The following DHX58 variants were observed in gnomAD, a reference collection of about 807,000 sequenced individuals.
DHX58 encodes DExH-box helicase 58, also known as ATP-dependent RNA helicase DHX58.
A neutral mutation model predicts 65.0 loss-of-function variants in DHX58; 51 were observed. That is an observed-to-expected ratio of 0.78 (90% CI 0.63 to 0.99). The LOEUF is 0.99. DHX58 is among the 50% of genes least tolerant of loss of function. The pLI is 0.00. For missense variants in DHX58, 773 were observed against 891.8 expected (o/e 0.87, Z 1.70); for synonymous variants, 350 against 365.0 (o/e 0.96, Z 0.47).
chr17:42,109,413 A>C, intron 5 of DHX58, 27 bp from the exon 6 acceptor site: 2 of 1,594,970 alleles, frequency 1.3e-6, no homozygotes, highest in Non-Finnish European at 1.7e-6. Context: ...ACTTTACTGG[A>C]AAGGGAGGGT....
rs782425657 is a variant in DHX58, at chr17:42,101,809, G to A, written c.1989C>T (p.Asp663=). Residue 663 remains aspartate, a synonymous_variant, in exon 14 of 14, where the codon GAC becomes GAT. Coordinates refer to ENST00000251642, the MANE Select transcript of DHX58 (RefSeq NM_024119.3). ...SRVPFSVPDF[D]FLQHCAENLS... ...AGTTCTCGGCACAATGCTGCAGGAA[G>A]TCAAAGTCAGGCACGGAGAAGGGCA... 4 of 1,614,256 alleles carry A rather than the reference G, an allele frequency of 2.5e-6. No individual in the cohort carries two copies. In the South Asian group the frequency reaches 4.4e-5, roughly 18 times the overall value.
At chr17:42,112,510 G>C (rs1238866851) in intron 1 of DHX58, 95 bp downstream of exon 1, 2 of 124,146 alleles carry the variant, frequency 1.6e-5, no homozygotes, top group African/African-American at 9.9e-5. Flanking sequence ...CCCCACTTGA[G>C]GGAGGTGGGG....
At chr17:42,108,631 G>A (rs1227924674) in intron 6 of DHX58, among the ~76,000 whole-genome samples, 7 of 152,228 alleles carry the variant, frequency 4.6e-5, no homozygotes, top group East Asian at 1.9e-4. Flanking sequence ...CCAGGAACCC[G>A]CTTGTGCCCA....
chr17:42,105,999 A>T lies in DHX58; in HGVS notation c.998-10T>A. On this transcript the variant is annotated splice_polypyrimidine_tract_variant and intron_variant, in intron 8 of 13. Transcript: ENST00000251642. ...AGCTCATTCTTGCGGTCTGTCAAAA[A>T]CCCCAAAATTTAGCTGGGTGTAGTG... The T allele has an allele frequency of 6.2e-7, 1 of 1,606,872 alleles. No individual in the cohort carries two copies. The highest frequency in any genetic ancestry group is 8.5e-7 in the Non-Finnish European group (1 of 1,176,328).
chr17:42,105,195 G>C (rs565049475), intron 9 of DHX58, 28 bp from the exon 10 acceptor site: 1 of 1,586,676 alleles, frequency 6.3e-7, no homozygotes, highest in Non-Finnish European at 8.6e-7. Context: ...GGAGGAGAAA[G>C]AGGCTGGTAC....
Position 42,107,367 on chromosome 17 carries a change from T to TA in DHX58, c.997+236dup, listed in dbSNP as rs1555662926. Among the ~76,000 whole-genome samples the TA allele has an allele frequency of 1.4e-3, 202 of 140,048 alleles. 1 individual carries two copies. Among genetic ancestry groups the TA allele is most frequent in the East Asian group, 5.3e-3 (25 of 4,732 alleles). 91.9% of individuals were successfully genotyped at this position (140,048 alleles called of 152,430 possible). On this transcript the variant is annotated intron_variant, in intron 8 of 13. Coordinates refer to ENST00000251642, the MANE Select transcript of DHX58 (RefSeq NM_024119.3). ...GGTGACAGAGCAAGACCCCGACTAT[T>TA]AAAAAAAAAAAAAAAGTCAACAATG...
chr17:42,107,493 CAGT>C (rs1568004221), intron 8 of DHX58, 108 bp downstream of exon 8: 3 of 1,235,598 alleles, frequency 2.4e-6, no homozygotes, highest in Non-Finnish European at 3.3e-6. Flanking sequence ...GGATCTCCAC[CAGT>C]ATCCTCACGG....
intron 13 of DHX58, 91 bp downstream of exon 13, chr17:42,102,125 C>T: frequency 6.7e-7 from 1 of 1,496,772 alleles, no homozygotes; most frequent in Non-Finnish European, 9.2e-7. Flanking sequence ...TGGGGTGGGA[C>T]TGTCTCCCGT....
At chr17:42,106,228 G>A (rs2054057257) in intron 8 of DHX58, among the ~76,000 whole-genome samples, 1 of 148,566 alleles carries the variant, frequency 6.7e-6, no homozygotes, top group South Asian at 2.1e-4. Flanking sequence ...AAGAAAGGGA[G>A]GGAGGGAAAG....
intron 8 of DHX58, among the ~76,000 whole-genome samples, chr17:42,107,121 G>T (rs1353425992): frequency 8.5e-5 from 13 of 152,138 alleles, no homozygotes; most frequent in Non-Finnish European, 1.8e-4. Flanking sequence ...CAGCACTTTG[G>T]GAGGCAGAGG....
At chr17:42,111,172 T>G in intron 4 of DHX58, 124 bp downstream of exon 4, 1 of 1,267,104 alleles carries the variant, frequency 7.9e-7, no homozygotes, top group Non-Finnish European at 1.1e-6. Context: ...GCAGGGGTTT[T>G]GTGAACAGGC....
At chr17:42,104,292 T>C (rs550952450) in intron 11 of DHX58, among the ~76,000 whole-genome samples, 47 of 152,144 alleles carry the variant, frequency 3.1e-4, no homozygotes, top group African/African-American at 1.1e-3. Flanking sequence ...CTGCTCAATC[T>C]TGAAGGACTT....
Position 42,108,063 on chromosome 17 carries a change from C to T in DHX58, c.724G>A (p.Asp242Asn). Residue 242 changes from aspartate to asparagine, a missense_variant, in exon 7 of 14, where the codon GAC becomes AAC. Physicochemically the swap from Asp to Asn is conservative, Grantham distance 23. Transcript: ENST00000251642. ...CTCAACTCAGGCATCTCCAGGTGGT[C>T]ATGGATTTGGTCCATGAGCTTCTTC... ...LLKKLMDQIHDHLEMPELSRK... is the reference protein window; with the variant it reads ...LLKKLMDQIHNHLEMPELSRK... 6.2e-7 allele frequency: 1 copy of T among 1,614,248 alleles called. No homozygotes were observed. The highest frequency in any genetic ancestry group is 8.5e-7 in the Non-Finnish European group (1 of 1,180,050).
intron 12 of DHX58, chr17:42,102,930 TGGGC>T (rs2054000873): frequency 6.6e-6 from 1 of 152,258 alleles, no homozygotes; most frequent in Admixed American, 6.5e-5. Flanking sequence ...ATTACAAGCA[TGGGC>T]CACCACGCCC....
At chr17:42,106,188 GAGAA>G (rs1293067968) in intron 8 of DHX58, among the ~76,000 whole-genome samples, 199 bp from the exon 9 acceptor site, 5 of 146,620 alleles carry the variant, frequency 3.4e-5, no homozygotes, top group South Asian at 4.3e-4. Context: ...AAGAAAGCAA[GAGAA>G]AGAGAGAGAG....
chr17:42,102,855 G>A (rs566781339), intron 12 of DHX58: 1 of 152,180 alleles, frequency 6.6e-6, no homozygotes, highest in South Asian at 2.1e-4. Flanking sequence ...GAGTGCAGTG[G>A]TGCGATCTTG....
chr17:42,104,695 G>C (rs1456767485), intron 11 of DHX58, 71 bp downstream of exon 11: 4 of 1,580,170 alleles, frequency 2.5e-6, no homozygotes, highest in Non-Finnish European at 3.4e-6. Flanking sequence ...TATGTGTGCA[G>C]TCAGAAACCT....
Position 42,101,746 on chromosome 17 carries a change from G to A in DHX58, c.*15C>T, listed in dbSNP as rs1555661558. ...CCCCCTACAGCCCAAACCGGGCACT[G>A]CAGCAATGAGGTGGTCAGTCCAGGG... On this transcript the variant is annotated 3_prime_UTR_variant, in exon 14 of 14. Coordinates refer to ENST00000251642, the MANE Select transcript of DHX58 (RefSeq NM_024119.3). 6.2e-7 allele frequency: 1 copy of A among 1,612,460 alleles called. No individual in the cohort carries two copies. Among genetic ancestry groups the A allele is most frequent in the South Asian group, 1.1e-5 (1 of 91,022 alleles).
intron 11 of DHX58, among the ~76,000 whole-genome samples, chr17:42,104,079 C>T (rs1414407636): frequency 1.3e-5 from 2 of 151,900 alleles, no homozygotes; most frequent in South Asian, 2.1e-4. Flanking sequence ...CAAAATTAGC[C>T]GGGCATGGTG....
Sources: allele counts gnomAD v4.1 joint callset (sites outside exome capture counted in the v4.1 genomes callset), GRCh38; gene constraint gnomAD v4.1.1; transcripts MANE v1.5; gene names NCBI Gene and HGNC (gene_info 2026-07-23, HGNC 2026-07-21).